Variants in AXDND1 observed in about 807,000 individuals in gnomAD.
AXDND1 encodes axonemal dynein light chain domain containing 1, also known as axonemal dynein light chain domain-containing protein 1.
A neutral mutation model predicts 137.5 loss-of-function variants in AXDND1; 110 were observed. The ratio of observed to expected loss-of-function variants is 0.80; its 90% confidence interval spans 0.69 to 0.94. The LOEUF is 0.94. AXDND1 is among the 40% of genes least tolerant of loss of function. The pLI is 0.00. For missense variants in AXDND1, 1,191 were observed against 1,169.8 expected (o/e 1.02, Z -0.26); for synonymous variants, 414 against 399.7 (o/e 1.04, Z -0.43).
chr1:179,389,833 G>A (rs1397356747), intron 9 of AXDND1, among the ~76,000 whole-genome samples: 1 of 151,974 alleles, frequency 6.6e-6, no homozygotes, highest in Admixed American at 6.6e-5. Context: ...TAAAGATGAT[G>A]TTTTTTAAAT....
chr1:179,437,234 G>T (rs1477016808), intron 15 of AXDND1, among the ~76,000 whole-genome samples: 1 of 152,130 alleles, frequency 6.6e-6, no homozygotes, highest in East Asian at 1.9e-4. Context: ...GCCTCTAGTG[G>T]ACAAGGACCC....
chr1:179,513,426 G>T (rs1669236822), intron 21 of AXDND1, among the ~76,000 whole-genome samples: 1 of 152,088 alleles, frequency 6.6e-6, no homozygotes, highest in Non-Finnish European at 1.5e-5. Context: ...ACGTGATCAT[G>T]GTGGATTATC....
chr1:179,433,875 T>G (rs61820980), intron 15 of AXDND1, among the ~76,000 whole-genome samples: 17,575 of 152,220 alleles, frequency 0.12, 1,203 homozygotes, highest in East Asian at 0.35. Context: ...TTAGATCTAC[T>G]TGATCCAGAG....
At chr1:179,520,062 G>C (rs1178357507) in intron 21 of AXDND1, among the ~76,000 whole-genome samples, 1 of 152,086 alleles carries the variant, frequency 6.6e-6, no homozygotes, top group Non-Finnish European at 1.5e-5. Context: ...ATTTCTTTGA[G>C]CAGTGGTTTG....
chr1:179,456,307 C>T, intron 16 of AXDND1: 1 of 748,224 alleles, frequency 1.3e-6, no homozygotes, highest in South Asian at 1.3e-5. Context: ...AAGTATTGGC[C>T]TCCACCACCA....
Position 179,369,982 on chromosome 1 carries a change from T to C in AXDND1, c.278T>C (p.Leu93Pro), listed in dbSNP as rs780420013. Reference protein sequence around the residue: ...PKKIKTPKGTLPRLVDHVWHH... With the variant: ...PKKIKTPKGTPPRLVDHVWHH... ...GTATTTGCTTTTTCCCAGGGCACTC[T>C]TCCACGCCTTGTAGACCATGTCTGG... The change falls in exon 4 of 26, where the codon CTT (leucine) becomes CCT (proline). Residue 93 changes from leucine to proline, a missense_variant. Leu to Pro is a moderately conservative substitution (Grantham distance 98, BLOSUM62 -3). Transcript: ENST00000367618. 23 of 1,613,478 alleles carry C rather than the reference T, an allele frequency of 1.4e-5. No homozygotes were observed. Among genetic ancestry groups the C allele is most frequent in the Non-Finnish European group, 1.8e-5 (21 of 1,179,656 alleles).
intron 10 of AXDND1, among the ~76,000 whole-genome samples, 160 bp downstream of exon 10, chr1:179,394,203 G>C (rs1465706359): frequency 6.6e-6 from 1 of 152,108 alleles, no homozygotes; most frequent in African/African-American, 2.4e-5. Context: ...TGTCATTGTA[G>C]ATATAGATAT....
chr1:179,373,294 G>T, intron 4 of AXDND1, among the ~76,000 whole-genome samples: 1 of 152,110 alleles, frequency 6.6e-6, no homozygotes, highest in Non-Finnish European at 1.5e-5. Flanking sequence ...TCTTCAAGGA[G>T]AACTACAAAC....
intron 12 of AXDND1, among the ~76,000 whole-genome samples, chr1:179,413,039 A>G (rs2125229512): frequency 6.6e-6 from 1 of 152,278 alleles, no homozygotes; most frequent in Admixed American, 6.5e-5. Context: ...AGATTACTAC[A>G]TCTTGATTTC....
At chr1:179,461,579 T>G (rs1662330228) in intron 16 of AXDND1, among the ~76,000 whole-genome samples, 1 of 152,200 alleles carries the variant, frequency 6.6e-6, no homozygotes, top group Non-Finnish European at 1.5e-5. Context: ...TTTTTCCAAT[T>G]CTGTGAAGAA....
chr1:179,404,052 G>A (rs546298295), intron 11 of AXDND1, among the ~76,000 whole-genome samples: 1 of 152,168 alleles, frequency 6.6e-6, no homozygotes, highest in Non-Finnish European at 1.5e-5. Context: ...TGTATGGTCT[G>A]TAAGTGTTTG....
chr1:179,524,486 G>A (rs1670360037), intron 21 of AXDND1, among the ~76,000 whole-genome samples: 1 of 151,964 alleles, frequency 6.6e-6, no homozygotes, highest in African/African-American at 2.4e-5. Context: ...TATCTCAGTG[G>A]TACCTCCAAC....
intron 18 of AXDND1, among the ~76,000 whole-genome samples, chr1:179,485,962 A>G (rs181328931): frequency 6.6e-6 from 1 of 152,098 alleles, no homozygotes; most frequent in African/African-American, 2.4e-5. Context: ...TACTAAAAAT[A>G]CAGAAAATTA....
chr1:179,433,406 C>A (rs758988608), intron 15 of AXDND1, among the ~76,000 whole-genome samples: 1 of 152,116 alleles, frequency 6.6e-6, no homozygotes, highest in Non-Finnish European at 1.5e-5. Flanking sequence ...CTTCTGCTAG[C>A]TTTTGGATTT....
Position 179,483,237 on chromosome 1 carries a change from G to C in AXDND1, c.2091+16G>C. ...TCAGCACCACGTATGTACTTGTAAG[G>C]GTTTTTGACGTTATATTTTGCCTCG... On this transcript the variant is annotated intron_variant, in intron 18 of 25. Coordinates refer to ENST00000367618, the MANE Select transcript of AXDND1 (RefSeq NM_144696.6). The C allele has an allele frequency of 1.9e-6, 3 of 1,540,392 alleles. No individual in the cohort carries two copies. Among genetic ancestry groups the C allele is most frequent in the Non-Finnish European group, 2.6e-6 (3 of 1,136,848 alleles).
At chr1:179,385,604 A>G (rs1649072706) in intron 9 of AXDND1, among the ~76,000 whole-genome samples, 1 of 152,238 alleles carries the variant, frequency 6.6e-6, no homozygotes, top group Non-Finnish European at 1.5e-5. Flanking sequence ...GAAAGAACCC[A>G]GAAAGAGTTT....
At chr1:179,370,864 A>G (rs1571510137) in intron 4 of AXDND1, among the ~76,000 whole-genome samples, 1 of 152,344 alleles carries the variant, frequency 6.6e-6, no homozygotes, top group Admixed American at 6.5e-5. Context: ...GGGATATTGT[A>G]AAGCACAAAT....
chr1:179,551,688 T>C (rs1673304107), intron 25 of AXDND1: 1 of 535,860 alleles, frequency 1.9e-6, no homozygotes. Context: ...AATGAAGTAT[T>C]AGGGGAGTTA....
At chr1:179,392,095 A>G (rs1248337212) in intron 9 of AXDND1, among the ~76,000 whole-genome samples, 1 of 152,190 alleles carries the variant, frequency 6.6e-6, no homozygotes, top group East Asian at 1.9e-4. Flanking sequence ...TGTACACTGT[A>G]CCAAATATGT....
Sources: allele counts gnomAD v4.1 joint callset (sites outside exome capture counted in the v4.1 genomes callset), GRCh38; gene constraint gnomAD v4.1.1; transcripts MANE v1.5; gene names NCBI Gene and HGNC (gene_info 2026-07-23, HGNC 2026-07-21).